Variants in DERA observed in about 807,000 individuals in gnomAD.
DERA encodes the protein deoxyribose-phosphate aldolase.
In DERA, 15 loss-of-function variants were observed where a neutral mutation model predicts 41.1. That is an observed-to-expected ratio of 0.37 (90% CI 0.24 to 0.56). The LOEUF is 0.56. Among genes scored for constraint, DERA ranks in the 20% least tolerant of loss-of-function variants. The pLI, the probability that DERA is intolerant of heterozygous loss-of-function variation, is 0.81. For missense variants in DERA, 396 were observed against 403.4 expected, an observed-to-expected ratio of 0.98 and a Z score of 0.16; for synonymous variants, 139 against 137.4, an observed-to-expected ratio of 1.01 and a Z score of -0.08.
At position 16,021,598 on chromosome 12, in the gene DERA, A is replaced by C. The variant is rs764206489; in HGVS notation, c.638-10944A>C. Among the ~76,000 whole-genome samples, 14 of 152,232 alleles carry C rather than the reference A, an allele frequency of 9.2e-5. No individual in the cohort carries two copies. Among genetic ancestry groups the C allele is most frequent in the Non-Finnish European group, 1.8e-4 (12 of 68,036 alleles). On this transcript the variant is annotated intron_variant, in intron 6 of 8. Coordinates refer to ENST00000428559, the MANE Select transcript of DERA (RefSeq NM_015954.4). This position sits in a 1 kb window ranked among gnomAD's most constrained non-coding sequence, Gnocchi z 5.3. Reference sequence around the variant, plus strand: ...CTCCAGACCCCAGAATGGTAGAGCCACCAGCAGTTTGCAACTACCACATGG... The same window carrying C: ...CTCCAGACCCCAGAATGGTAGAGCCCCCAGCAGTTTGCAACTACCACATGG...
In DERA at chr12:15,993,569, C is replaced by T. The variant is rs1948816683; in HGVS notation, c.637+11133C>T. On this transcript the variant is annotated intron_variant, in intron 6 of 8. Coordinates refer to ENST00000428559, the MANE Select transcript of DERA (RefSeq NM_015954.4). The surrounding 1 kb of genome is among the most constrained non-coding windows in gnomAD (Gnocchi z 4.4). ...AAAAGGTATGCTACAACTGAAACTT[C>T]ATCACTGGGGAAAGCATAAGACCAT... Among the ~76,000 whole-genome samples, 2 of 151,224 alleles carry T rather than the reference C, an allele frequency of 1.3e-5. No homozygotes were observed. Among genetic ancestry groups the T allele is most frequent in the Admixed American group, 6.6e-5 (1 of 15,168 alleles).
chr12:15,956,071 C>T (rs1327289516), intron 1 of DERA, among the ~76,000 whole-genome samples: 1 of 152,152 alleles, frequency 6.6e-6, no homozygotes, highest in Non-Finnish European at 1.5e-5. Context: ...ATGTTAGACA[C>T]CCAAAGATGA....
In DERA at chr12:16,010,136, A is replaced by G. The variant is rs1262422577; in HGVS notation, c.638-22406A>G. 6.6e-6 allele frequency among the ~76,000 whole-genome samples: 1 copy of G among 152,198 alleles called. No homozygotes were observed. The highest frequency in any genetic ancestry group is 1.5e-5 in the Non-Finnish European group (1 of 68,032). On this transcript the variant is annotated intron_variant, in intron 6 of 8. Coordinates refer to ENST00000428559, the MANE Select transcript of DERA (RefSeq NM_015954.4). The surrounding 1 kb of genome is among the most constrained non-coding windows in gnomAD (Gnocchi z 5.5). ...AGCCAAGCCCTTCTGCTGTGAGGGA[A>G]ATATAGCATGTGAGCATATATATTC... is the stretch of plus-strand genomic sequence containing the variant.
intron 1 of DERA, among the ~76,000 whole-genome samples, chr12:15,914,298 C>T (rs1362338459): frequency 6.6e-6 from 1 of 151,592 alleles, no homozygotes; most frequent in African/African-American, 2.4e-5. Flanking sequence ...ACGAGAATCG[C>T]TTGAACCCAG....
chr12:16,015,477 C>T (rs958362943), intron 6 of DERA, among the ~76,000 whole-genome samples: 3 of 152,196 alleles, frequency 2.0e-5, no homozygotes, highest in African/African-American at 7.2e-5. Context: ...TGCCTAGCTT[C>T]CTTTTCATCT....
chr12:15,976,473 G>C lies in DERA; in HGVS notation c.509-5835G>C, dbSNP rs1948698221. ...AGGCCAAGAATTTCTCTAGGCCCCA[G>C]TGACATGGGGGCTAGGTTTCTCTCC... is the stretch of plus-strand genomic sequence containing the variant. On this transcript the variant is annotated intron_variant, in intron 5 of 8. Coordinates refer to ENST00000428559, the MANE Select transcript of DERA (RefSeq NM_015954.4). This position sits in a 1 kb window ranked among gnomAD's most constrained non-coding sequence, Gnocchi z 4.1. 6.6e-6 allele frequency among the ~76,000 whole-genome samples: 1 copy of C among 152,174 alleles called. No individual in the cohort carries two copies. The highest frequency in any genetic ancestry group is 2.1e-4 in the South Asian group (1 of 4,826).
At chr12:15,969,516 C>T (rs768905023) in intron 5 of DERA, among the ~76,000 whole-genome samples, 1 of 152,174 alleles carries the variant, frequency 6.6e-6, no homozygotes, top group African/African-American at 2.4e-5. Flanking sequence ...AAGTACCATT[C>T]GTCTCCTGTA....
At chr12:16,005,831 CAT>C (rs1948906660) in intron 6 of DERA, among the ~76,000 whole-genome samples, 1 of 152,166 alleles carries the variant, frequency 6.6e-6, no homozygotes, top group Non-Finnish European at 1.5e-5. Context: ...GTCCTGTAGA[CAT>C]AGAAGATTAT....
chr12:16,022,813 T>C (rs901977845), intron 6 of DERA, among the ~76,000 whole-genome samples: 1 of 152,120 alleles, frequency 6.6e-6, no homozygotes, highest in African/African-American at 2.4e-5. Context: ...TTTTGACAAA[T>C]TACTGGAGGC....
At chr12:15,920,012 G>A (rs1347821007) in intron 1 of DERA, among the ~76,000 whole-genome samples, 2 of 151,578 alleles carry the variant, frequency 1.3e-5, no homozygotes, top group Non-Finnish European at 2.9e-5. Context: ...GTGTGAGAGA[G>A]AAAGAGAGAG....
At chr12:15,916,599 C>T (rs987946653) in intron 1 of DERA, among the ~76,000 whole-genome samples, 4 of 151,842 alleles carry the variant, frequency 2.6e-5, no homozygotes, top group Non-Finnish European at 4.4e-5. Flanking sequence ...TACAGGCATG[C>T]GCCACCATGC....
chr12:15,964,420 T>G (rs1948609492), intron 5 of DERA, among the ~76,000 whole-genome samples: 1 of 152,232 alleles, frequency 6.6e-6, no homozygotes, highest in Non-Finnish European at 1.5e-5. Context: ...CTTGCCAGGT[T>G]TAAACTCTTG....
At chr12:15,955,474 A>AT (rs1265604611) in intron 1 of DERA, among the ~76,000 whole-genome samples, 1 of 152,076 alleles carries the variant, frequency 6.6e-6, no homozygotes, top group Non-Finnish European at 1.5e-5. Flanking sequence ...CCAGACTCCC[A>AT]TTTTCTCTGT....
At chr12:16,006,999 G>A (rs1381400331) in intron 6 of DERA, among the ~76,000 whole-genome samples, 2 of 152,260 alleles carry the variant, frequency 1.3e-5, no homozygotes, top group South Asian at 2.1e-4. Flanking sequence ...GTCACGTTAT[G>A]TATCAAGCTC....
intron 5 of DERA, among the ~76,000 whole-genome samples, chr12:15,977,315 G>A (rs570455573): frequency 7.9e-5 from 12 of 152,282 alleles, no homozygotes; most frequent in African/African-American, 2.4e-4. Flanking sequence ...GCATGTGTGT[G>A]TGTGCTGGGA....
intron 1 of DERA, among the ~76,000 whole-genome samples, chr12:15,917,187 A>G (rs1948206993): frequency 6.6e-6 from 1 of 152,194 alleles, no homozygotes; most frequent in African/African-American, 2.4e-5. Context: ...AAGTTAAAAA[A>G]GTCAATTCCT....
rs1391293514 is a variant in DERA at position 15,986,910 on chromosome 12, T to C, written c.637+4474T>C. Among the ~76,000 whole-genome samples, 4 of 152,180 alleles carry C rather than the reference T, an allele frequency of 2.6e-5. No homozygotes were observed. The East Asian group carries it at 7.7e-4, about 29-fold the overall frequency. On this transcript the variant is annotated intron_variant, in intron 6 of 8. Transcript: ENST00000428559. Reference sequence around the variant, plus strand: ...GGTTTTATTCGTCTGAAAATGTCTTTATTTCACCCCCATGTTCTAAGGATA... The same window carrying C: ...GGTTTTATTCGTCTGAAAATGTCTTCATTTCACCCCCATGTTCTAAGGATA...
intron 1 of DERA, among the ~76,000 whole-genome samples, chr12:15,956,016 G>A (rs914054784): frequency 1.3e-5 from 2 of 152,220 alleles, no homozygotes; most frequent in Non-Finnish European, 2.9e-5. Context: ...ATGTTTATAG[G>A]ATATTGGTGG....
At position 16,011,652 on chromosome 12, in the gene DERA, G is replaced by T. The variant is rs965239145; in HGVS notation, c.638-20890G>T. Among the ~76,000 whole-genome samples the T allele has an allele frequency of 1.3e-5, 2 of 152,106 alleles. No homozygotes were observed. Among genetic ancestry groups the T allele is most frequent in the Non-Finnish European group, 1.5e-5 (1 of 68,008 alleles). ...TGACTTTAAAACTAATCAATGAAAG[G>T]CATTTGCCTAACATAGCAAATCCCT... On this transcript the variant is annotated intron_variant, in intron 6 of 8. Coordinates refer to ENST00000428559, the MANE Select transcript of DERA (RefSeq NM_015954.4). The surrounding 1 kb of genome is among the most constrained non-coding windows in gnomAD (Gnocchi z 4.7).
Sources: allele counts gnomAD v4.1 joint callset (sites outside exome capture counted in the v4.1 genomes callset), GRCh38; gene constraint gnomAD v4.1.1; non-coding constraint Gnocchi (gnomAD v3.1); transcripts MANE v1.5; gene names NCBI Gene and HGNC (gene_info 2026-07-23, HGNC 2026-07-21).